The following NISCH variants were observed in gnomAD, a reference collection of about 807,000 sequenced individuals.
NISCH encodes nischarin.
NISCH carries 55 observed loss-of-function variants against 138.4 expected under a neutral mutation model. That is an observed-to-expected ratio of 0.40 (90% CI 0.32 to 0.50). The LOEUF is 0.50. NISCH is among the 20% of genes least tolerant of loss of function. The probability of loss-of-function intolerance (pLI) is 0.71; values close to 1 mark genes in which losing one functional copy is unlikely to be tolerated. For synonymous variants in NISCH, 860 were observed against 861.5 expected (o/e 1.00, Z 0.03); for missense variants, 1,643 against 2,005.5 (o/e 0.82, Z 3.45).
chr3:52,455,633 G>C lies in NISCH; in HGVS notation c.-9G>C. ...TGCGCCGGGCGGCGGTGGCGGCGGA[G>C]ACCCGAACATGGCGACCGCGCGCAC... On this transcript the variant is annotated 5_prime_UTR_variant, in exon 1 of 21. Coordinates refer to ENST00000345716, the MANE Select transcript of NISCH (RefSeq NM_007184.4). 1 of 1,329,008 alleles carries C rather than the reference G, an allele frequency of 7.5e-7. No homozygotes were observed. Among genetic ancestry groups the C allele is most frequent in the Middle Eastern group, 2.0e-4 (1 of 4,892 alleles). 82.3% of individuals were successfully genotyped at this position (1,329,008 alleles called of 1,614,324 possible). A position where few individuals can be genotyped will look rare whatever the true frequency, so the allele number is the denominator to read the frequency against.
chr3:52,460,186 CAAAAAAA>C (rs60865450), intron 3 of NISCH, among the ~76,000 whole-genome samples: 1 of 56,194 alleles, frequency 1.8e-5, no homozygotes, highest in African/African-American at 7.6e-5. Context: ...GACTTCATCT[CAAAAAAA>C]AAAAAAAAAA....
Position 52,477,569 on chromosome 3 carries a change from A to G in NISCH, c.919-5A>G. The G allele has an allele frequency of 6.2e-7, 1 of 1,613,206 alleles. No individual in the cohort carries two copies. The highest frequency in any genetic ancestry group is 8.5e-7 in the Non-Finnish European group (1 of 1,179,180). ...GTAACATCGGGTGTTCTTTTCTTTC[A>G]CAAGAAACTGATCCCAAAGATTGAG... On this transcript the variant is annotated splice_region_variant and splice_polypyrimidine_tract_variant and intron_variant, in intron 8 of 20. Transcript: ENST00000345716.
Position 52,487,552 on chromosome 3 carries a change from G to A in NISCH, c.2060G>A (p.Arg687His), listed in dbSNP as rs748607943. ...EEEDEEAEEERLALEWALGAD... is the reference protein window; with the variant it reads ...EEEDEEAEEEHLALEWALGAD... The stretch of plus-strand genomic sequence containing the variant: ...GAGGATGAAGAGGCCGAGGAGGAGC[G>A]CCTGGCTCTGGAATGGGCCCTGGGC... The change falls in exon 16 of 21, where the codon CGC (arginine) becomes CAC (histidine). Residue 687 changes from arginine to histidine, a missense_variant. Arg to His is a conservative substitution (Grantham distance 29, BLOSUM62 0). Coordinates refer to ENST00000345716, the MANE Select transcript of NISCH (RefSeq NM_007184.4). This position sits in a 1 kb window ranked among gnomAD's most constrained non-coding sequence, Gnocchi z 9.1. 27 of 1,610,430 alleles carry A rather than the reference G, an allele frequency of 1.7e-5. No homozygotes were observed. The highest frequency in any genetic ancestry group is 2.1e-5 in the Non-Finnish European group (25 of 1,177,346).
At chr3:52,466,162 C>T (rs576065784) in intron 3 of NISCH, among the ~76,000 whole-genome samples, 5 of 152,312 alleles carry the variant, frequency 3.3e-5, no homozygotes, top group African/African-American at 1.2e-4. Flanking sequence ...CAACTCTCTT[C>T]AGTTAAAGCT....
intron 13 of NISCH, among the ~76,000 whole-genome samples, chr3:52,483,267 C>T (rs1021448787): frequency 6.6e-5 from 10 of 152,272 alleles, no homozygotes; most frequent in Non-Finnish European, 1.2e-4. Flanking sequence ...GTTGTCCTGT[C>T]CCGGGGAGCA....
At chr3:52,480,399 G>C (rs1294837019) in intron 13 of NISCH, 104 bp downstream of exon 13, 1 of 1,558,108 alleles carries the variant, frequency 6.4e-7, no homozygotes, top group South Asian at 1.2e-5. Flanking sequence ...GCTTCCAACA[G>C]GGTCAGACAC....
chr3:52,480,324 G>A (rs1246491496), intron 13 of NISCH, 29 bp downstream of exon 13: 9 of 1,612,824 alleles, frequency 5.6e-6, no homozygotes, highest in Non-Finnish European at 7.6e-6. Context: ...TGCTTCTAGT[G>A]GAGCCACACA....
chr3:52,490,741 G>T lies in NISCH; in HGVS notation c.3650G>T (p.Ser1217Ile). 1 of 1,614,162 alleles carries T rather than the reference G, an allele frequency of 6.2e-7. No individual in the cohort carries two copies. The highest frequency in any genetic ancestry group is 8.5e-7 in the Non-Finnish European group (1 of 1,180,028). Residue 1217 changes from serine to isoleucine, a missense_variant, in exon 19 of 21, where the codon AGC becomes ATC. Physicochemically the swap from Ser to Ile is moderately radical, Grantham distance 142. Transcript: ENST00000345716. ...WHQKNTDYNN[S>I]PFHISQCFVL... ...CAGAAAAACACCGACTACAACAACA[G>T]CCCTTTCCACATCTCCCAGTGCTTC...
intron 15 of NISCH, among the ~76,000 whole-genome samples, 189 bp downstream of exon 15, chr3:52,486,016 T>G (rs985919503): frequency 1.1e-4 from 17 of 152,214 alleles, no homozygotes; most frequent in African/African-American, 4.1e-4. Flanking sequence ...TTCTAATACC[T>G]AAACTCTGCT....
Position 52,487,991 on chromosome 3 carries a change from G to T in NISCH, c.2499G>T (p.Glu833Asp), listed in dbSNP as rs1416110092. The change falls in exon 16 of 21, where the codon GAG becomes GAT. Residue 833 changes from glutamate (E) to aspartate (D), a missense_variant. Physicochemically the swap from Glu to Asp is conservative, Grantham distance 45. Transcript: ENST00000345716. The surrounding 1 kb of genome is among the most constrained non-coding windows in gnomAD (Gnocchi z 9.1). ...ACGGCAGCCACACCAGCCTGCAGGA[G>T]TTCCTGCGCCAGCTGCTCACCTTCT... ...ILYGSHTSLQ[E>D]FLRQLLTFYK... The T allele has an allele frequency of 1.2e-6, 2 of 1,612,506 alleles. No individual in the cohort carries two copies. Among genetic ancestry groups the T allele is most frequent in the East Asian group, 2.2e-5 (1 of 44,880 alleles).
Position 52,487,655 on chromosome 3 carries a change from T to G in NISCH, c.2163T>G (p.Ser721Arg). ...LWCFLIHVQG[S>R]IRQFAACLVL... The stretch of plus-strand genomic sequence containing the variant: ...GCTTCCTGATCCATGTGCAGGGCAG[T>G]ATCCGCCAGTTCGCCGCCTGCCTTG... The change falls in exon 16 of 21, where the codon AGT (serine) becomes AGG (arginine). Residue 721 changes from serine to arginine, a missense_variant. Ser to Arg is a moderately radical substitution (Grantham distance 110). Coordinates refer to ENST00000345716, the MANE Select transcript of NISCH (RefSeq NM_007184.4). The surrounding 1 kb of genome is among the most constrained non-coding windows in gnomAD (Gnocchi z 9.1). 1 of 1,613,762 alleles carries G rather than the reference T, an allele frequency of 6.2e-7. No individual in the cohort carries two copies. The highest frequency in any genetic ancestry group is 8.5e-7 in the Non-Finnish European group (1 of 1,179,998).
chr3:52,487,481 G>A lies in NISCH; in HGVS notation c.1989G>A (p.Glu663=). The A allele has an allele frequency of 6.2e-7, 1 of 1,600,086 alleles. No homozygotes were observed. The highest frequency in any genetic ancestry group is 8.5e-7 in the Non-Finnish European group (1 of 1,170,628). ...TTGAAATGGGGCCCCCAGACGTGGA[G>A]GAGGAGGAGGGAGGAGGCCAGGGGG... The part of the protein sequence containing the change: ...RYFEMGPPDV[E]EEEGGGQGEE... Residue 663 remains glutamate (E), a synonymous_variant, in exon 16 of 21, where the codon GAG becomes GAA. Coordinates refer to ENST00000345716, the MANE Select transcript of NISCH (RefSeq NM_007184.4). The surrounding 1 kb of genome is among the most constrained non-coding windows in gnomAD (Gnocchi z 9.1).
At chr3:52,490,294 G>A (rs1707528324) in intron 18 of NISCH, 63 bp downstream of exon 18, 2 of 1,569,376 alleles carry the variant, frequency 1.3e-6, no homozygotes, top group Non-Finnish European at 1.7e-6. Context: ...GGCCTGGGGG[G>A]TCATTCTCTG....
intron 3 of NISCH, among the ~76,000 whole-genome samples, chr3:52,466,055 T>C (rs922834038): frequency 1.3e-5 from 2 of 152,264 alleles, no homozygotes; most frequent in East Asian, 3.8e-4. Flanking sequence ...AATCTTAGCA[T>C]TGGCTTTAGC....
At chr3:52,463,502 T>G (rs985551447) in intron 3 of NISCH, among the ~76,000 whole-genome samples, 2 of 152,188 alleles carry the variant, frequency 1.3e-5, no homozygotes, top group Non-Finnish European at 2.9e-5. Context: ...GGTAACTATG[T>G]TTGACTTTTT....
At chr3:52,480,347 C>T (rs758756827) in intron 13 of NISCH, 52 bp downstream of exon 13, 2 of 1,607,224 alleles carry the variant, frequency 1.2e-6, no homozygotes, top group South Asian at 1.1e-5. Context: ...CCTGCCTGGG[C>T]CCCCTGGCTG....
rs1559621170 is a variant in NISCH, at chr3:52,458,673, G to T, written c.189G>T (p.Glu63Asp). 6.2e-7 allele frequency: 1 copy of T among 1,612,894 alleles called. No individual in the cohort carries two copies. The highest frequency in any genetic ancestry group is 8.5e-7 in the Non-Finnish European group (1 of 1,179,730). ...ATGTTTTTTTACAGCTCGTTGCAGA[G>T]AGAAAGATTGATAAAAATCTGCTTC... is the stretch of plus-strand genomic sequence containing the variant. ...FHDLHEKLVA[E>D]RKIDKNLLPP... The change falls in exon 3 of 21, where the codon GAG (glutamate) becomes GAT (aspartate). Residue 63 changes from glutamate (E) to aspartate (D), a missense_variant. By Grantham distance (45) the Glu-to-Asp change is conservative. Coordinates refer to ENST00000345716, the MANE Select transcript of NISCH (RefSeq NM_007184.4).
At chr3:52,475,174 T>C (rs192644811) in intron 7 of NISCH, among the ~76,000 whole-genome samples, 35 of 148,174 alleles carry the variant, frequency 2.4e-4, no homozygotes, top group African/African-American at 8.8e-4. Context: ...CTGGGCAACA[T>C]AGGGAGACCT....
chr3:52,478,820 A>T (rs912590220), intron 11 of NISCH, among the ~76,000 whole-genome samples: 3 of 152,054 alleles, frequency 2.0e-5, no homozygotes, highest in Non-Finnish European at 2.9e-5. Flanking sequence ...CAGAAATAAG[A>T]TCCTTAAAAT....
Sources: allele counts gnomAD v4.1 joint callset (sites outside exome capture counted in the v4.1 genomes callset), GRCh38; gene constraint gnomAD v4.1.1; non-coding constraint Gnocchi (gnomAD v3.1); transcripts MANE v1.5; gene names NCBI Gene and HGNC (gene_info 2026-07-23, HGNC 2026-07-21).